RAD51B: variants seen among roughly 807,000 people sequenced by gnomAD.
The protein encoded by RAD51B is RAD51 paralog B, also known as DNA repair protein RAD51 homolog 2.
Under a neutral mutation model 42.2 loss-of-function variants are expected in RAD51B, and 38 were observed. The ratio of observed to expected loss-of-function variants is 0.90; its 90% CI spans 0.70 to 1.18. The LOEUF (loss-of-function observed/expected upper bound fraction) is 1.18, where lower values mean the gene tolerates loss of function less well. Ranked by LOEUF, RAD51B falls within the 50% of genes most tolerant of loss-of-function variation. The pLI, the probability that RAD51B is intolerant of heterozygous loss-of-function variation, is 0.00. For synonymous variants in RAD51B, 154 were observed against 145.2 expected, an observed-to-expected ratio of 1.06 and a Z score of -0.43; for missense variants, 373 against 400.7, an observed-to-expected ratio of 0.93 and a Z score of 0.59.
At chr14:68,124,117 G>C (rs910405646) in intron 7 of RAD51B, among the ~76,000 whole-genome samples, 1 of 152,136 alleles carries the variant, frequency 6.6e-6, no homozygotes, top group Non-Finnish European at 1.5e-5. Context: ...ATTAAATTTT[G>C]TAATGGTGGC....
chr14:68,422,863 T>G (rs941057243), intron 9 of RAD51B, among the ~76,000 whole-genome samples: 4 of 152,154 alleles, frequency 2.6e-5, no homozygotes, highest in African/African-American at 9.7e-5. Context: ...TCACCTTACC[T>G]TGTTGTCCCC....
At chr14:68,381,439 G>T (rs954362995) in intron 8 of RAD51B, among the ~76,000 whole-genome samples, 1 of 152,130 alleles carries the variant, frequency 6.6e-6, no homozygotes, top group Admixed American at 6.6e-5. Flanking sequence ...ACTTTGGGAG[G>T]CCGAGGCAGG....
intron 7 of RAD51B, among the ~76,000 whole-genome samples, chr14:68,041,263 T>G (rs773844858): frequency 8.5e-5 from 13 of 152,310 alleles, no homozygotes; most frequent in South Asian, 6.2e-4. Flanking sequence ...TAACAGCCTG[T>G]GGAACCGTGA....
chr14:68,315,179 G>A (rs1026796940), intron 8 of RAD51B, among the ~76,000 whole-genome samples: 5 of 152,216 alleles, frequency 3.3e-5, no homozygotes, highest in Non-Finnish European at 5.9e-5. Context: ...TCTGGCACAA[G>A]CTGGCTCTAC....
At chr14:68,308,087 C>T (rs531806967) in intron 8 of RAD51B, among the ~76,000 whole-genome samples, 5 of 152,100 alleles carry the variant, frequency 3.3e-5, no homozygotes, top group South Asian at 2.1e-4. Flanking sequence ...TGGAGGTTCT[C>T]GAGGAATGTA....
At chr14:68,300,843 A>G (rs2081717275) in intron 8 of RAD51B, among the ~76,000 whole-genome samples, 3 of 152,324 alleles carry the variant, frequency 2.0e-5, no homozygotes, top group Admixed American at 1.3e-4. Context: ...GGCTGTCCCC[A>G]TGGTCAGCCA....
chr14:68,564,527 G>C (rs1005395113), intron 10 of RAD51B, among the ~76,000 whole-genome samples: 1 of 152,160 alleles, frequency 6.6e-6, no homozygotes, highest in African/African-American at 2.4e-5. Context: ...AGGCCTGAGC[G>C]GGCAGCTGGG....
Position 68,648,041 on chromosome 14 carries a change from A to T in RAD51B, c.1037-2740A>T, listed in dbSNP as rs1330973493. Among the ~76,000 whole-genome samples the T allele has an allele frequency of 1.5e-4, 21 of 137,274 alleles. 1 individual carries two copies. Among genetic ancestry groups the T allele is most frequent in the African/African-American group, 5.4e-4 (20 of 37,172 alleles). 90.1% of individuals were successfully genotyped at this position (137,274 alleles called of 152,430 possible). ...TATATACGTATATATATATATACACACGTATATAGATGTGTGTGTGTATAT... is the reference window on the plus strand; with the variant it reads ...TATATACGTATATATATATATACACTCGTATATAGATGTGTGTGTGTATAT... On this transcript the variant is annotated intron_variant, in intron 10 of 11. Coordinates refer to the RAD51B transcript ENST00000488612.
chr14:68,590,178 A>T (rs766838944), intron 10 of RAD51B, among the ~76,000 whole-genome samples: 1 of 152,214 alleles, frequency 6.6e-6, no homozygotes, highest in Non-Finnish European at 1.5e-5. Context: ...CAAGATGTGT[A>T]GAGCCTCAGT....
At position 68,287,998 on chromosome 14, in the gene RAD51B, T is replaced by G. The variant is rs143498607; in HGVS notation, c.757-3886T>G. ...TTCAGGTCTGATTCCAAAGCCCTTG[T>G]CCTAAACACTGTGCAAATTGCTCTT... On this transcript the variant is annotated intron_variant, in intron 7 of 10. Coordinates refer to ENST00000471583, the MANE Select transcript of RAD51B (RefSeq NM_133510.4). Among the ~76,000 whole-genome samples the G allele has an allele frequency of 2.8e-3, 431 of 152,324 alleles. 11 individuals are homozygous for G. The East Asian group carries it at 0.048, about 17-fold the overall frequency.
intron 7 of RAD51B, among the ~76,000 whole-genome samples, chr14:67,959,655 A>T (rs2074621073): frequency 6.6e-6 from 1 of 152,254 alleles, no homozygotes. Flanking sequence ...TTGATAAAAC[A>T]GTCAAAATTT....
chr14:68,029,969 A>G (rs1433303221), intron 7 of RAD51B, among the ~76,000 whole-genome samples: 2 of 152,232 alleles, frequency 1.3e-5, no homozygotes, highest in African/African-American at 4.8e-5. Flanking sequence ...GACTGGGTAC[A>G]TTGTCAATAA....
At chr14:68,160,136 C>T (rs749222319) in intron 7 of RAD51B, among the ~76,000 whole-genome samples, 3 of 152,158 alleles carry the variant, frequency 2.0e-5, no homozygotes, top group Non-Finnish European at 2.9e-5. Flanking sequence ...TCCCAGATGA[C>T]GCAAATGCTG....
chr14:68,658,833 A>G (rs1892874253), intron 11 of RAD51B, among the ~76,000 whole-genome samples: 3 of 152,350 alleles, frequency 2.0e-5, no homozygotes, highest in Admixed American at 2.0e-4. Context: ...TCTGTGAAGC[A>G]GGTATATTTA....
At chr14:68,363,974 G>A (rs1023872978) in intron 8 of RAD51B, among the ~76,000 whole-genome samples, 4 of 152,208 alleles carry the variant, frequency 2.6e-5, no homozygotes, top group African/African-American at 9.6e-5. Context: ...CTGCAGGCTT[G>A]TTTGCCCACA....
intron 4 of RAD51B, among the ~76,000 whole-genome samples, chr14:67,852,692 A>G (rs890662095): frequency 2.6e-5 from 4 of 152,204 alleles, no homozygotes; most frequent in Non-Finnish European, 5.9e-5. Context: ...GGCATGGATA[A>G]CAAAGGTGAG....
At chr14:67,869,337 C>T (rs964746899) in intron 5 of RAD51B, among the ~76,000 whole-genome samples, 15 of 151,798 alleles carry the variant, frequency 9.9e-5, no homozygotes, top group African/African-American at 2.4e-4. Context: ...AGGGTATCAG[C>T]GATGGAAGAT....
chr14:68,514,551 G>A (rs565700893), intron 10 of RAD51B, among the ~76,000 whole-genome samples: 56 of 152,308 alleles, frequency 3.7e-4, no homozygotes, highest in Non-Finnish European at 5.6e-4. Context: ...TCCTGTGGGC[G>A]CGGCTCTCAG....
At chr14:68,666,656 A>G (rs1345842831) in intron 11 of RAD51B, among the ~76,000 whole-genome samples, 1 of 152,250 alleles carries the variant, frequency 6.6e-6, no homozygotes, top group Non-Finnish European at 1.5e-5. Context: ...CCCTCTTGGT[A>G]TGCTTAACAT....
Sources: gnomAD v4.1 joint callset for allele counts (sites outside exome capture counted in the v4.1 genomes callset) on GRCh38, gnomAD v4.1.1 for gene constraint, MANE v1.5 for transcripts, NCBI Gene and HGNC (gene_info 2026-07-23, HGNC 2026-07-21) for gene names.